Variants in MALRD1 observed in about 807,000 individuals in gnomAD.
The protein encoded by MALRD1 is MAM and LDL-receptor class A domain-containing protein 1.
A neutral mutation model predicts 242.1 loss-of-function variants in MALRD1; 247 were observed. The observed-to-expected ratio is 1.02, with a 90% CI of 0.92 to 1.13. The LOEUF (loss-of-function observed/expected upper bound fraction) is 1.13, where lower values mean the gene tolerates loss of function less well. Among genes scored for constraint, MALRD1 ranks in the 50% most tolerant of loss-of-function variants. The pLI is 0.00. For missense variants in MALRD1, 2,989 were observed against 2,533.1 expected (o/e 1.18, Z -3.86); for synonymous variants, 995 against 866.6 (o/e 1.15, Z -2.60).
intron 38 of MALRD1, chr10:19,730,457 T>G: frequency 1.9e-6 from 1 of 519,768 alleles, no homozygotes; most frequent in Non-Finnish European, 3.5e-6. Context: ...TTCTTTTATT[T>G]GCCTGAGTTT....
intron 2 of MALRD1, among the ~76,000 whole-genome samples, chr10:19,071,240 A>C (rs1352685560): frequency 6.6e-6 from 1 of 151,832 alleles, no homozygotes; most frequent in East Asian, 1.9e-4. Flanking sequence ...CTCCCTACAC[A>C]TGCATGTTTC....
At chr10:19,422,953 G>A (rs982822980) in intron 28 of MALRD1, among the ~76,000 whole-genome samples, 1 of 152,134 alleles carries the variant, frequency 6.6e-6, no homozygotes, top group African/African-American at 2.4e-5. Flanking sequence ...GGTATCTCTT[G>A]TACTGCTCAT....
chr10:19,220,663 G>T (rs1265105744), intron 18 of MALRD1, among the ~76,000 whole-genome samples: 1 of 151,954 alleles, frequency 6.6e-6, no homozygotes, highest in African/African-American at 2.4e-5. Context: ...TTAACGAATC[G>T]ATGGCTTCAT....
At chr10:19,440,916 C>T (rs1407034681) in intron 28 of MALRD1, among the ~76,000 whole-genome samples, 2 of 151,980 alleles carry the variant, frequency 1.3e-5, no homozygotes, top group African/African-American at 2.4e-5. Flanking sequence ...GAGGAATCAC[C>T]ACACTGACTT....
chr10:19,186,443 T>C (rs1835740106), intron 14 of MALRD1, among the ~76,000 whole-genome samples: 1 of 152,168 alleles, frequency 6.6e-6, no homozygotes, highest in Non-Finnish European at 1.5e-5. Context: ...TCAGGTAAAA[T>C]CTGATAAATA....
chr10:19,650,556 G>C (rs1400999152), intron 36 of MALRD1, among the ~76,000 whole-genome samples: 1 of 152,038 alleles, frequency 6.6e-6, no homozygotes, highest in Non-Finnish European at 1.5e-5. Context: ...TCGTTAGGTA[G>C]GAAATAGGAA....
chr10:19,213,907 C>G (rs970661311), intron 18 of MALRD1, among the ~76,000 whole-genome samples: 2 of 152,068 alleles, frequency 1.3e-5, no homozygotes, highest in Admixed American at 6.5e-5. Context: ...CTAATCACTC[C>G]CAATTAGTGA....
chr10:19,696,461 T>A (rs1833382025), intron 38 of MALRD1, among the ~76,000 whole-genome samples: 1 of 152,172 alleles, frequency 6.6e-6, no homozygotes, highest in Non-Finnish European at 1.5e-5. Context: ...TTCCTTGATG[T>A]CAAATTATAC....
intron 26 of MALRD1, among the ~76,000 whole-genome samples, chr10:19,384,175 T>C (rs1194181773): frequency 6.7e-6 from 1 of 149,936 alleles, no homozygotes; most frequent in Non-Finnish European, 1.5e-5. Flanking sequence ...ATGTCTTCTT[T>C]GGAGAAATGT....
intron 30 of MALRD1, chr10:19,493,295 C>T (rs1837570122): frequency 6.6e-6 from 1 of 152,028 alleles, no homozygotes; most frequent in Non-Finnish European, 1.5e-5. Flanking sequence ...GCTTGTGTCA[C>T]TTACCCTAAT....
intron 29 of MALRD1, among the ~76,000 whole-genome samples, chr10:19,460,048 A>T (rs1240418809): frequency 6.6e-6 from 1 of 152,082 alleles, no homozygotes. Flanking sequence ...CTAGGTCAGT[A>T]GGACCATTGC....
intron 5 of MALRD1, among the ~76,000 whole-genome samples, chr10:19,117,010 G>A (rs544890670): frequency 8.6e-5 from 13 of 151,508 alleles, no homozygotes; most frequent in African/African-American, 1.2e-4. Flanking sequence ...CAGGAGAATC[G>A]CTTGAACCTG....
chr10:19,478,538 A>G (rs534074261), intron 29 of MALRD1, among the ~76,000 whole-genome samples: 1 of 152,310 alleles, frequency 6.6e-6, no homozygotes, highest in South Asian at 2.1e-4. Context: ...GTACCCTTAA[A>G]GAAGGGTCCC....
At chr10:19,183,358 C>A (rs912705197) in intron 14 of MALRD1, among the ~76,000 whole-genome samples, 8 of 151,588 alleles carry the variant, frequency 5.3e-5, no homozygotes, top group African/African-American at 1.7e-4. Context: ...GGCTGCGATT[C>A]TAATGTTGAA....
At chr10:19,557,769 C>T (rs1053394608) in intron 32 of MALRD1, among the ~76,000 whole-genome samples, 1 of 152,052 alleles carries the variant, frequency 6.6e-6, no homozygotes, top group African/African-American at 2.4e-5. Context: ...CTTTGACTTT[C>T]CTTTTAAACT....
chr10:19,301,710 T>G (rs766631741), intron 21 of MALRD1, among the ~76,000 whole-genome samples: 4 of 151,660 alleles, frequency 2.6e-5, no homozygotes, highest in Non-Finnish European at 5.9e-5. Flanking sequence ...CGGGACCTTC[T>G]TGAGGGTGGA....
chr10:19,697,507 A>G (rs1377273937), intron 38 of MALRD1, among the ~76,000 whole-genome samples: 2 of 152,098 alleles, frequency 1.3e-5, no homozygotes, highest in Non-Finnish European at 2.9e-5. Flanking sequence ...TGACCAAACA[A>G]TCGGGCATCA....
intron 29 of MALRD1, among the ~76,000 whole-genome samples, chr10:19,476,928 A>G (rs1564374688): frequency 2.6e-5 from 1 of 38,126 alleles, no homozygotes; most frequent in East Asian, 0.1. Flanking sequence ...TCTTTGTCAA[A>G]TTAAAAAAAA....
intron 38 of MALRD1, among the ~76,000 whole-genome samples, chr10:19,708,615 G>A (rs1196930606): frequency 8.7e-6 from 1 of 115,432 alleles, no homozygotes; most frequent in African/African-American, 2.7e-5. Flanking sequence ...CAAAGTACTG[G>A]AATCATGTGC....
Sources: allele counts gnomAD v4.1 joint callset (sites outside exome capture counted in the v4.1 genomes callset), GRCh38; gene constraint gnomAD v4.1.1; transcripts MANE v1.5; gene names NCBI Gene and HGNC (gene_info 2026-07-23, HGNC 2026-07-21).